The following AKT3 variants were observed in gnomAD, a reference collection of about 807,000 sequenced individuals.
AKT3 encodes RAC-gamma serine/threonine-protein kinase.
A neutral mutation model predicts 65.3 loss-of-function variants in AKT3; 15 were observed. That is an observed-to-expected ratio of 0.23 (90% CI 0.15 to 0.35). AKT3 has a LOEUF of 0.35. AKT3 is among the 10% of genes least tolerant of loss of function. The pLI is 1.00. For synonymous variants in AKT3, 206 were observed against 183.8 expected (o/e 1.12, Z -0.98); for missense variants, 243 against 576.5 (o/e 0.42, Z 5.92).
At chr1:243,667,273 G>C (rs1682853866) in intron 3 of AKT3, among the ~76,000 whole-genome samples, 1 of 152,112 alleles carries the variant, frequency 6.6e-6, no homozygotes, top group Non-Finnish European at 1.5e-5. Context: ...TAGAGATGCT[G>C]AGTGACTATG....
intron 3 of AKT3, among the ~76,000 whole-genome samples, chr1:243,680,037 CTT>C (rs1287667429): frequency 6.6e-6 from 1 of 152,060 alleles, no homozygotes. Context: ...GAGACAGAAA[CTT>C]TATCAGTGTG....
At chr1:243,553,443 G>C (rs761847610) in intron 10 of AKT3, among the ~76,000 whole-genome samples, 3 of 152,152 alleles carry the variant, frequency 2.0e-5, no homozygotes, top group Non-Finnish European at 4.4e-5. Flanking sequence ...TAATGGAGAA[G>C]TCTACAGGGC....
chr1:243,839,755 C>A (rs1017246992), intron 2 of AKT3, among the ~76,000 whole-genome samples: 1 of 150,142 alleles, frequency 6.7e-6, no homozygotes, highest in Non-Finnish European at 1.5e-5. Context: ...ACAATTGATG[C>A]ATATAGTCTT....
chr1:243,742,445 C>T (rs1462526385), intron 2 of AKT3, among the ~76,000 whole-genome samples: 2 of 151,938 alleles, frequency 1.3e-5, no homozygotes, highest in Non-Finnish European at 2.9e-5. Context: ...GCCAATATGG[C>T]GAAACCCCGT....
In AKT3 at chr1:243,613,743, G is replaced by A; in HGVS notation, c.628-4C>T. ...TCTGGAAGGAATATTTCAAGGACTTGAAATAAAAAAAAGAAAAAATGTTAC... is the reference window on the plus strand; with the variant it reads ...TCTGGAAGGAATATTTCAAGGACTTAAAATAAAAAAAAGAAAAAATGTTAC... On this transcript the variant is annotated splice_polypyrimidine_tract_variant and splice_region_variant and intron_variant, in intron 7 of 13. Coordinates refer to ENST00000673466, the MANE Select transcript of AKT3 (RefSeq NM_005465.7). 6.4e-7 allele frequency: 1 copy of A among 1,563,884 alleles called. No individual in the cohort carries two copies. The highest frequency in any genetic ancestry group is 8.7e-7 in the Non-Finnish European group (1 of 1,154,758).
chr1:243,670,596 T>C (rs1046968824), intron 3 of AKT3, among the ~76,000 whole-genome samples: 4 of 152,196 alleles, frequency 2.6e-5, no homozygotes, highest in Non-Finnish European at 5.9e-5. Flanking sequence ...ATAGAGATTC[T>C]AAAAAGCTAT....
chr1:243,839,397 A>C (rs1695093401), intron 2 of AKT3, among the ~76,000 whole-genome samples: 1 of 152,208 alleles, frequency 6.6e-6, no homozygotes, highest in African/African-American at 2.4e-5. Flanking sequence ...GCTGATGTGC[A>C]ACCAAGTTGT....
chr1:243,617,008 G>A (rs1273222322), intron 6 of AKT3, among the ~76,000 whole-genome samples: 2 of 152,110 alleles, frequency 1.3e-5, no homozygotes, highest in South Asian at 4.1e-4. Context: ...AGAACTTACT[G>A]ATTTCCATAT....
At chr1:243,569,047 C>T (rs540644269) in intron 9 of AKT3, among the ~76,000 whole-genome samples, 19 of 152,284 alleles carry the variant, frequency 1.2e-4, no homozygotes, top group African/African-American at 4.1e-4. Flanking sequence ...CTGTTACTCA[C>T]TCTTACACCA....
At chr1:243,597,148 A>T (rs1357463440) in intron 8 of AKT3, among the ~76,000 whole-genome samples, 1 of 152,176 alleles carries the variant, frequency 6.6e-6, no homozygotes, top group Non-Finnish European at 1.5e-5. Flanking sequence ...GGCTACATGC[A>T]TATATATGTT....
chr1:243,843,584 G>A (rs1191483863), intron 1 of AKT3: 12 of 1,012,760 alleles, frequency 1.2e-5, no homozygotes, highest in Non-Finnish European at 1.4e-5. Context: ...GTGTATTTGA[G>A]GTGAAGAGGG....
intron 2 of AKT3, among the ~76,000 whole-genome samples, chr1:243,697,616 A>C (rs1685139876): frequency 6.6e-6 from 1 of 152,102 alleles, no homozygotes; most frequent in South Asian, 2.1e-4. Context: ...TGCATTGGTC[A>C]CATAGAAAAC....
At chr1:243,835,738 C>T (rs1355458071) in intron 2 of AKT3, among the ~76,000 whole-genome samples, 2 of 151,984 alleles carry the variant, frequency 1.3e-5, no homozygotes, top group African/African-American at 4.8e-5. Flanking sequence ...AATTACCACT[C>T]CTGTTGAGAA....
chr1:243,721,769 T>C (rs757746099), intron 2 of AKT3, among the ~76,000 whole-genome samples: 1 of 152,116 alleles, frequency 6.6e-6, no homozygotes, highest in Non-Finnish European at 1.5e-5. Context: ...AAAATATTTG[T>C]AGAATTAAAA....
intron 2 of AKT3, among the ~76,000 whole-genome samples, chr1:243,785,122 T>C (rs1191698938): frequency 6.7e-6 from 1 of 150,166 alleles, no homozygotes. Context: ...TGGAGTGCAG[T>C]GGTGCAATCT....
At position 243,620,366 on chromosome 1, in the gene AKT3, G is replaced by C. The variant is rs1216698325; in HGVS notation, c.562-5205C>G. Among the ~76,000 whole-genome samples the C allele has an allele frequency of 4.0e-5, 2 of 50,376 alleles. 1 individual carries two copies. The highest frequency in any genetic ancestry group is 1.7e-4 in the Non-Finnish European group (2 of 11,890). The allele number at this position is 50,376 out of a possible 152,430, so 33.0% of individuals were successfully genotyped here. On this transcript the variant is annotated intron_variant, in intron 6 of 13. Transcript: ENST00000673466. ...CTTGGGCAGTTCTTTATACCAGTGT[G>C]AGAATGAACTAATACAGATGATATC...
At chr1:243,583,102 C>A (rs926327638) in intron 8 of AKT3, among the ~76,000 whole-genome samples, 61 of 148,260 alleles carry the variant, frequency 4.1e-4, no homozygotes, top group African/African-American at 1.4e-3. Context: ...ATATATATAT[C>A]TCTCTCTCTC....
chr1:243,488,885 C>A, intron 13 of AKT3: 2 of 1,340,524 alleles, frequency 1.5e-6, no homozygotes, highest in African/African-American at 1.4e-5. Flanking sequence ...GAGCCTGGCA[C>A]CTCAGGGTCA....
chr1:243,585,184 A>G (rs376686662), intron 8 of AKT3, among the ~76,000 whole-genome samples: 135 of 152,214 alleles, frequency 8.9e-4, no homozygotes, highest in African/African-American at 2.8e-3. Context: ...CCAAGAAGGT[A>G]AAAGATCATT....
Sources: gnomAD v4.1 joint callset for allele counts (sites outside exome capture counted in the v4.1 genomes callset) on GRCh38, gnomAD v4.1.1 for gene constraint, MANE v1.5 for transcripts, NCBI Gene and HGNC (gene_info 2026-07-23, HGNC 2026-07-21) for gene names.